Variants in PCDHGA2 observed in about 807,000 individuals in gnomAD.
PCDHGA2 encodes protocadherin gamma-A2.
A neutral mutation model predicts 59.2 loss-of-function variants in PCDHGA2; 40 were observed. The observed-to-expected ratio is 0.68, with a 90% CI of 0.52 to 0.88. The LOEUF (loss-of-function observed/expected upper bound fraction) is 0.88. Ranked by LOEUF, PCDHGA2 falls within the 40% of genes least tolerant of loss-of-function variation. PCDHGA2 has a pLI of 0.00. For missense variants in PCDHGA2, 1,226 were observed against 1,204.0 expected (o/e 1.02, Z -0.27); for synonymous variants, 560 against 526.0 (o/e 1.06, Z -0.89).
chr5:141,417,524 T>C (rs2096128269), intron 1 of PCDHGA2: 1 of 271,098 alleles, frequency 3.7e-6, no homozygotes, highest in African/African-American at 2.2e-5. Flanking sequence ...GGCTGTCAAC[T>C]CGTAGTTTAA....
At chr5:141,417,740 C>A (rs2096156298) in intron 1 of PCDHGA2, 3 of 1,413,210 alleles carry the variant, frequency 2.1e-6, no homozygotes, top group East Asian at 2.5e-5. Flanking sequence ...CCCAGCACAC[C>A]AGATTGCCAG....
intron 1 of PCDHGA2, among the ~76,000 whole-genome samples, chr5:141,437,426 C>T (rs531265278): frequency 6.6e-6 from 1 of 152,268 alleles, no homozygotes; most frequent in South Asian, 2.1e-4. Flanking sequence ...CTTTTTGAAG[C>T]AGCAATAGCA....
intron 1 of PCDHGA2, chr5:141,398,327 G>C (rs1348307728): frequency 7.4e-7 from 1 of 1,353,452 alleles, no homozygotes; most frequent in Non-Finnish European, 1.0e-6. Flanking sequence ...CGAAAACTGC[G>C]CGTCAGTTCG....
intron 2 of PCDHGA2, among the ~76,000 whole-genome samples, chr5:141,498,967 G>A (rs896386012): frequency 1.5e-5 from 2 of 129,584 alleles, no homozygotes. Context: ...GAGGGAGGGA[G>A]GGAGGGAAGG....
At chr5:141,427,396 A>G (rs1303085720) in intron 1 of PCDHGA2, 1 of 460,578 alleles carries the variant, frequency 2.2e-6, no homozygotes, top group Non-Finnish European at 4.4e-6. Context: ...AAAACACATG[A>G]TAAAGATTCG....
rs554693384 is a variant in PCDHGA2, at chr5:141,346,496, T to A, written c.2424+5101T>A. The A allele has an allele frequency of 5.6e-6, 9 of 1,611,764 alleles. No individual in the cohort carries two copies. The South Asian group carries it at 6.6e-5, about 12-fold the overall frequency. On this transcript the variant is annotated intron_variant, in intron 1 of 3. Coordinates refer to ENST00000394576, the MANE Select transcript of PCDHGA2 (RefSeq NM_018915.4). ...TTTCTTTGATTATTAAGAACAAATATGAGAATGTGGTTATTATAAAGCTTT... is the reference window on the plus strand; with the variant it reads ...TTTCTTTGATTATTAAGAACAAATAAGAGAATGTGGTTATTATAAAGCTTT...
chr5:141,363,100 A>G (rs1762808567), intron 1 of PCDHGA2, among the ~76,000 whole-genome samples: 3 of 152,266 alleles, frequency 2.0e-5, no homozygotes, highest in Admixed American at 2.0e-4. Context: ...AAGGACAGGC[A>G]ATGTTTGAGG....
intron 1 of PCDHGA2, among the ~76,000 whole-genome samples, chr5:141,483,618 C>T (rs1441906179): frequency 6.6e-6 from 1 of 151,536 alleles, no homozygotes; most frequent in Non-Finnish European, 1.5e-5. Flanking sequence ...TCCATCATTC[C>T]CATGGGAGAA....
intron 1 of PCDHGA2, chr5:141,418,648 A>G (rs1387887578): frequency 1.2e-6 from 2 of 1,614,036 alleles, no homozygotes; most frequent in Non-Finnish European, 1.7e-6. Flanking sequence ...CCATCCTGAG[A>G]GTGAAGGCCA....
chr5:141,413,601 A>T (rs2095657842), intron 1 of PCDHGA2: 1 of 1,613,814 alleles, frequency 6.2e-7, no homozygotes, highest in African/African-American at 1.3e-5. Flanking sequence ...CAGAAAATCT[A>T]GACGTAAAAA....
chr5:141,417,767 T>G lies in PCDHGA2; in HGVS notation c.2424+76372T>G, dbSNP rs1333916865. 1.3e-5 allele frequency: 19 copies of G among 1,442,000 alleles called. No individual in the cohort carries two copies. The South Asian group carries it at 1.8e-4, about 13-fold the overall frequency. 89.3% of individuals were successfully genotyped at this position (1,442,000 alleles called of 1,614,324 possible). ...GATTGCCAGCTCCGAGACCCGGGAC[T>G]CCTCCTGTCCTGGGCCGAATGCTCT... On this transcript the variant is annotated intron_variant, in intron 1 of 3. Coordinates refer to ENST00000394576, the MANE Select transcript of PCDHGA2 (RefSeq NM_018915.4).
chr5:141,371,138 G>C lies in PCDHGA2; in HGVS notation c.2424+29743G>C, dbSNP rs761615775. 4.3e-6 allele frequency: 7 copies of C among 1,613,870 alleles called. No individual in the cohort carries two copies. In the East Asian group the frequency reaches 1.6e-4, roughly 36 times the overall value. On this transcript the variant is annotated intron_variant, in intron 1 of 3. Transcript: ENST00000394576. ...CAGTATTTACTCAGGACATGTACAG[G>C]GTCAATGTTGCAGAGAACCTGCCCG...
intron 1 of PCDHGA2, chr5:141,403,034 G>T (rs1589474195): frequency 1.9e-6 from 3 of 1,614,096 alleles, no homozygotes; most frequent in East Asian, 2.2e-5. Flanking sequence ...GGAGGCCAGG[G>T]CCAGTCAGAT....
intron 1 of PCDHGA2, chr5:141,351,564 C>A (rs1156892059): frequency 1.2e-6 from 2 of 1,613,956 alleles, no homozygotes; most frequent in Admixed American, 3.3e-5. Context: ...ACAAGCATCA[C>A]CCTGCACATC....
intron 1 of PCDHGA2, among the ~76,000 whole-genome samples, chr5:141,452,713 T>TGAGG (rs2098747318): frequency 6.7e-6 from 1 of 148,530 alleles, no homozygotes; most frequent in Non-Finnish European, 1.5e-5. Flanking sequence ...AAGGAAGGAA[T>TGAGG]GAGGGAGGGA....
intron 1 of PCDHGA2, among the ~76,000 whole-genome samples, chr5:141,451,579 A>T (rs1222576609): frequency 6.6e-6 from 1 of 152,084 alleles, no homozygotes; most frequent in African/African-American, 2.4e-5. Flanking sequence ...TTATAAACCT[A>T]ATTTTGAAAG....
chr5:141,419,621 G>T, intron 1 of PCDHGA2: 2 of 1,612,306 alleles, frequency 1.2e-6, no homozygotes, highest in Non-Finnish European at 1.7e-6. Context: ...AGGCTACCTG[G>T]TGACCAAGGT....
In PCDHGA2 at chr5:141,486,853, C is replaced by T. The variant is rs1401626024; in HGVS notation, c.2425-7954C>T. The stretch of plus-strand genomic sequence containing the variant: ...GTCTATTTGTGCTGGACCTCAATGA[C>T]AATGCTCCAGCTGTGCTCCGTCCTC... On this transcript the variant is annotated intron_variant, in intron 1 of 3. Coordinates refer to ENST00000394576, the MANE Select transcript of PCDHGA2 (RefSeq NM_018915.4). This position sits in a 1 kb window ranked among gnomAD's most constrained non-coding sequence, Gnocchi z 5.0. 6.2e-7 allele frequency: 1 copy of T among 1,614,244 alleles called. No individual in the cohort carries two copies. The highest frequency in any genetic ancestry group is 2.2e-5 in the East Asian group (1 of 44,886).
Position 141,490,282 on chromosome 5 carries a change from C to T in PCDHGA2, c.2425-4525C>T, listed in dbSNP as rs763429413. 1.2e-6 allele frequency: 2 copies of T among 1,614,194 alleles called. No individual in the cohort carries two copies. The highest frequency in any genetic ancestry group is 1.7e-6 in the Non-Finnish European group (2 of 1,180,036). ...TGTGGGGGATGTCAATGACAATGCC[C>T]CAGAGGTGCTATTGGCCTCTTTGGC... On this transcript the variant is annotated intron_variant, in intron 1 of 3. Transcript: ENST00000394576. This position sits in a 1 kb window ranked among gnomAD's most constrained non-coding sequence, Gnocchi z 5.4.
Sources: gnomAD v4.1 joint callset for allele counts (sites outside exome capture counted in the v4.1 genomes callset) on GRCh38, gnomAD v4.1.1 for gene constraint, Gnocchi (gnomAD v3.1) non-coding constraint, MANE v1.5 for transcripts, NCBI Gene and HGNC (gene_info 2026-07-23, HGNC 2026-07-21) for gene names.